The following RETREG1 variants were observed in gnomAD, a reference collection of about 807,000 sequenced individuals.
RETREG1 encodes reticulophagy regulator 1.
In RETREG1, 44 loss-of-function variants were observed where a neutral mutation model predicts 54.8. That is an observed-to-expected ratio of 0.80 (90% CI 0.63 to 1.03). RETREG1 has a LOEUF of 1.03. Among genes scored for constraint, RETREG1 ranks in the 50% least tolerant of loss-of-function variants. The pLI is 0.00. For synonymous variants in RETREG1, 217 were observed against 238.5 expected, an observed-to-expected ratio of 0.91 and a Z score of 0.83; for missense variants, 554 against 605.1, an observed-to-expected ratio of 0.92 and a Z score of 0.89.
chr5:16,508,640 G>A (rs1287559382), intron 3 of RETREG1: 7 of 1,613,798 alleles, frequency 4.3e-6, no homozygotes, highest in Non-Finnish European at 5.1e-6. Context: ...AATAACAGTG[G>A]CAAAGGCTGC....
In RETREG1 at chr5:16,555,212, C is replaced by T. The variant is rs146792879; in HGVS notation, c.458+10551G>A. On this transcript the variant is annotated intron_variant, in intron 3 of 8. Transcript: ENST00000306320. ...TGTGACCCAGGCTGGGGTGCAGTGGCGCAATCTGGGCTCACTGCAACCTCC... is the reference window on the plus strand; with the variant it reads ...TGTGACCCAGGCTGGGGTGCAGTGGTGCAATCTGGGCTCACTGCAACCTCC... Among the ~76,000 whole-genome samples the T allele has an allele frequency of 9.8e-3, 1,498 of 152,242 alleles. 12 individuals carry two copies. Among genetic ancestry groups the T allele is most frequent in the Non-Finnish European group, 0.016 (1,109 of 68,030 alleles).
At chr5:16,590,789 C>T (rs1405190177) in intron 1 of RETREG1, among the ~76,000 whole-genome samples, 1 of 151,018 alleles carries the variant, frequency 6.6e-6, no homozygotes, top group Non-Finnish European at 1.5e-5. Flanking sequence ...GGTACACACA[C>T]ACAAACACAC....
At chr5:16,579,908 T>TA (rs1238563690) in intron 1 of RETREG1, among the ~76,000 whole-genome samples, 3 of 152,236 alleles carry the variant, frequency 2.0e-5, no homozygotes. Context: ...AAAGCTGCTA[T>TA]AAACATCCAC....
chr5:16,553,480 TTAAA>T (rs1162053469), intron 3 of RETREG1, among the ~76,000 whole-genome samples: 1 of 152,048 alleles, frequency 6.6e-6, no homozygotes, highest in African/African-American at 2.4e-5. Context: ...TATATTTTGT[TTAAA>T]TATATATCTA....
At chr5:16,519,374 T>G (rs879785820) in intron 3 of RETREG1, among the ~76,000 whole-genome samples, 7 of 152,190 alleles carry the variant, frequency 4.6e-5, no homozygotes, top group Non-Finnish European at 7.3e-5. Flanking sequence ...ATGGTATCAA[T>G]CCCTGCAAAG....
At chr5:16,525,765 C>CAAAG (rs1554019600) in intron 3 of RETREG1, among the ~76,000 whole-genome samples, 1 of 15,538 alleles carries the variant, frequency 6.4e-5, no homozygotes, top group Non-Finnish European at 1.7e-4. Context: ...TATATATACA[C>CAAAG]AGAGAGGGAG....
At chr5:16,506,276 G>A (rs1470487176) in intron 3 of RETREG1, among the ~76,000 whole-genome samples, 1 of 152,182 alleles carries the variant, frequency 6.6e-6, no homozygotes, top group Non-Finnish European at 1.5e-5. Flanking sequence ...TGGAACTGAA[G>A]TCACATGAAA....
chr5:16,595,492 T>C (rs993185384), intron 1 of RETREG1, among the ~76,000 whole-genome samples: 1 of 152,180 alleles, frequency 6.6e-6, no homozygotes, highest in African/African-American at 2.4e-5. Flanking sequence ...CAGACACAAG[T>C]AATAACTTGT....
chr5:16,590,269 G>A (rs2451849), intron 1 of RETREG1, among the ~76,000 whole-genome samples: 20,472 of 152,094 alleles, frequency 0.13, 1,386 homozygotes, highest in Non-Finnish European at 0.16. Flanking sequence ...TGCCCACACC[G>A]ATGGAGACCA....
chr5:16,486,706 A>G (rs1420796283), intron 3 of RETREG1, among the ~76,000 whole-genome samples: 2 of 152,204 alleles, frequency 1.3e-5, no homozygotes, highest in Non-Finnish European at 2.9e-5. Context: ...CCACATGGCA[A>G]TTCAGAATGA....
intron 3 of RETREG1, among the ~76,000 whole-genome samples, chr5:16,563,980 A>G (rs1290365950): frequency 6.6e-6 from 1 of 152,214 alleles, no homozygotes; most frequent in East Asian, 1.9e-4. Context: ...TACACAAATT[A>G]TTTTATTATA....
At chr5:16,555,458 T>C (rs1741679788) in intron 3 of RETREG1, among the ~76,000 whole-genome samples, 1 of 152,224 alleles carries the variant, frequency 6.6e-6, no homozygotes, top group East Asian at 1.9e-4. Context: ...GGCCTGTTTT[T>C]ACATTTTTTC....
At chr5:16,545,395 G>A (rs908903310) in intron 3 of RETREG1, among the ~76,000 whole-genome samples, 1 of 152,106 alleles carries the variant, frequency 6.6e-6, no homozygotes, top group Non-Finnish European at 1.5e-5. Flanking sequence ...AGGCAGGAGT[G>A]AAACCCATCA....
intron 3 of RETREG1, among the ~76,000 whole-genome samples, chr5:16,513,652 G>A (rs1740254801): frequency 6.6e-6 from 1 of 152,240 alleles, no homozygotes; most frequent in Non-Finnish European, 1.5e-5. Flanking sequence ...CTCTCAGACA[G>A]AAGAAAGAAT....
chr5:16,479,223 T>C (rs1442186958), intron 5 of RETREG1, among the ~76,000 whole-genome samples: 1 of 152,002 alleles, frequency 6.6e-6, no homozygotes. Flanking sequence ...TAATTTCTAT[T>C]CTTTTTCTGT....
chr5:16,542,974 C>G (rs968014419), intron 3 of RETREG1, among the ~76,000 whole-genome samples: 4 of 152,164 alleles, frequency 2.6e-5, no homozygotes, highest in Non-Finnish European at 5.9e-5. Flanking sequence ...TTTCTGGTAC[C>G]CCTTTTAATG....
intron 3 of RETREG1, among the ~76,000 whole-genome samples, chr5:16,496,036 A>G (rs114867462): frequency 1.3e-5 from 2 of 152,158 alleles, no homozygotes; most frequent in Non-Finnish European, 2.9e-5. Flanking sequence ...AGGAGCAAGG[A>G]TTTAATGACA....
chr5:16,532,577 C>T (rs1464626099), intron 3 of RETREG1, among the ~76,000 whole-genome samples: 5 of 152,082 alleles, frequency 3.3e-5, no homozygotes, highest in African/African-American at 1.2e-4. Flanking sequence ...TTTATTTTGC[C>T]AAAGTGTGCC....
chr5:16,536,545 T>C (rs1433039738), intron 3 of RETREG1, among the ~76,000 whole-genome samples: 3 of 151,632 alleles, frequency 2.0e-5, no homozygotes, highest in Non-Finnish European at 4.4e-5. Context: ...CTCTAACTCC[T>C]CGCCCAAGGA....
Sources: allele counts gnomAD v4.1 joint callset (sites outside exome capture counted in the v4.1 genomes callset), GRCh38; gene constraint gnomAD v4.1.1; transcripts MANE v1.5; gene names NCBI Gene and HGNC (gene_info 2026-07-23, HGNC 2026-07-21).